HS3ST4: variants seen among roughly 807,000 people sequenced by gnomAD.
The protein encoded by HS3ST4 is heparan sulfate glucosamine 3-O-sulfotransferase 4.
HS3ST4 carries 17 observed loss-of-function variants against 29.2 expected under a neutral mutation model. The observed-to-expected ratio is 0.58, with a 90% CI of 0.40 to 0.87. The LOEUF (loss-of-function observed/expected upper bound fraction) is 0.87. Among genes scored for constraint, HS3ST4 ranks in the 40% least tolerant of loss-of-function variants. HS3ST4 has a pLI of 0.00. For synonymous variants in HS3ST4, 314 were observed against 285.7 expected, an observed-to-expected ratio of 1.10 and a Z score of -1.00; for missense variants, 627 against 634.5, an observed-to-expected ratio of 0.99 and a Z score of 0.13.
In HS3ST4 at chr16:25,692,640, C is replaced by A. The variant is rs761032247; in HGVS notation, c.223C>A (p.Pro75Thr). ...GGAGTCGCCGGGCGCCGCCGCCGAG[C>A]CCCCGCCGAGCCCGCCGCCACCCTC... is the stretch of plus-strand genomic sequence containing the variant. Reference protein sequence around the residue: ...LQESPGAAAEPPPSPPPPSLL... With the variant: ...LQESPGAAAETPPSPPPPSLL... The change falls in exon 1 of 2, where the codon CCC becomes ACC. Residue 75 changes from proline (P) to threonine (T), a missense_variant. Transcript: ENST00000331351. 3.7e-6 allele frequency: 5 copies of A among 1,363,970 alleles called. No homozygotes were observed. The South Asian group carries it at 4.7e-5, about 13-fold the overall frequency. 84.5% of individuals were successfully genotyped at this position (1,363,970 alleles called of 1,614,324 possible). A position where few individuals can be genotyped will look rare whatever the true frequency, so the allele number is the denominator to read the frequency against.
intron 1 of HS3ST4, among the ~76,000 whole-genome samples, chr16:25,894,811 T>C (rs1226031361): frequency 6.6e-6 from 1 of 152,202 alleles, no homozygotes; most frequent in East Asian, 1.9e-4. Flanking sequence ...TGGTGGCCTC[T>C]TTTTATTTGT....
At chr16:26,068,002 C>A (rs1384014211) in intron 1 of HS3ST4, among the ~76,000 whole-genome samples, 1 of 152,164 alleles carries the variant, frequency 6.6e-6, no homozygotes, top group Non-Finnish European at 1.5e-5. Context: ...TTGTGAATTA[C>A]CCAGTCTTGG....
At chr16:25,879,557 A>G (rs1967872066) in intron 1 of HS3ST4, among the ~76,000 whole-genome samples, 1 of 152,062 alleles carries the variant, frequency 6.6e-6, no homozygotes, top group South Asian at 2.1e-4. Flanking sequence ...ACAGCATGGG[A>G]AAGACCCACC....
intron 1 of HS3ST4, among the ~76,000 whole-genome samples, chr16:26,117,883 GCCATTATGGTGCTTGATT>G (rs1158824497): frequency 6.6e-6 from 1 of 152,232 alleles, no homozygotes; most frequent in East Asian, 1.9e-4. Context: ...GGCAACATCT[GCCATTATGGTGCTTGATT>G]CCAAGTGGGG....
chr16:25,947,868 T>A (rs891330490), intron 1 of HS3ST4, among the ~76,000 whole-genome samples: 1 of 152,096 alleles, frequency 6.6e-6, no homozygotes, highest in African/African-American at 2.4e-5. Flanking sequence ...GCTGTGCAAG[T>A]GTGGGCAAAT....
At chr16:25,849,197 G>A (rs1967494050) in intron 1 of HS3ST4, among the ~76,000 whole-genome samples, 1 of 151,980 alleles carries the variant, frequency 6.6e-6, no homozygotes, top group South Asian at 2.1e-4. Flanking sequence ...TTCTGTTTAT[G>A]GCCTAATAAA....
chr16:25,941,261 G>C (rs1968569155), intron 1 of HS3ST4, among the ~76,000 whole-genome samples: 1 of 152,104 alleles, frequency 6.6e-6, no homozygotes, highest in Non-Finnish European at 1.5e-5. Context: ...TGCCTCCCAG[G>C]TTCAAGCATT....
At chr16:25,992,441 GA>G (rs1969122776) in intron 1 of HS3ST4, among the ~76,000 whole-genome samples, 1 of 152,328 alleles carries the variant, frequency 6.6e-6, no homozygotes, top group African/African-American at 2.4e-5. Context: ...AGAGGTAGAG[GA>G]AAGCCACTAA....
At chr16:25,737,868 T>C (rs1343109338) in intron 1 of HS3ST4, among the ~76,000 whole-genome samples, 2 of 151,400 alleles carry the variant, frequency 1.3e-5, no homozygotes, top group Non-Finnish European at 2.9e-5. Flanking sequence ...TCCCATTTCC[T>C]GATATTGTGA....
At chr16:25,884,422 A>G (rs2141665576) in intron 1 of HS3ST4, among the ~76,000 whole-genome samples, 1 of 152,352 alleles carries the variant, frequency 6.6e-6, no homozygotes, top group African/African-American at 2.4e-5. Flanking sequence ...CCCGCAGGCA[A>G]AGTTCAACAA....
chr16:25,927,648 C>T (rs1003013752), intron 1 of HS3ST4, among the ~76,000 whole-genome samples: 12 of 150,386 alleles, frequency 8.0e-5, no homozygotes, highest in Admixed American at 6.0e-4. Flanking sequence ...GAATAGCTCC[C>T]GTCTTCAAGA....
At chr16:25,753,001 T>G (rs1042000532) in intron 1 of HS3ST4, among the ~76,000 whole-genome samples, 3 of 152,250 alleles carry the variant, frequency 2.0e-5, no homozygotes, top group South Asian at 2.1e-4. Flanking sequence ...TGGCATATGT[T>G]GGACCCACAA....
chr16:26,044,834 A>AAGGATACAACCTGATGGAAGCTGGGACCG (rs1898245885), intron 1 of HS3ST4, among the ~76,000 whole-genome samples: 3 of 152,230 alleles, frequency 2.0e-5, no homozygotes, highest in African/African-American at 7.2e-5. Context: ...TGTCCCATTG[A>AAGGATACAACCTGATGGAAGCTGGGACCG]AGGATACAAC....
chr16:25,736,870 A>G (rs1203141826), intron 1 of HS3ST4, among the ~76,000 whole-genome samples: 2 of 150,390 alleles, frequency 1.3e-5, no homozygotes, highest in Admixed American at 6.6e-5. Flanking sequence ...TTTTTTGGGG[A>G]TGGAGTCTCA....
In HS3ST4 at chr16:25,998,230, G is replaced by T. The variant is rs185132168; in HGVS notation, c.735-137382G>T. ...TGGGAAGTGAAGGATACAGTGAGCT[G>T]AGGTTGCACCACTGCACTCCAGCCT... On this transcript the variant is annotated intron_variant, in intron 1 of 1. Coordinates refer to ENST00000331351, the MANE Select transcript of HS3ST4 (RefSeq NM_006040.3). Among the ~76,000 whole-genome samples the T allele has an allele frequency of 9.2e-5, 14 of 152,224 alleles. No individual in the cohort carries two copies. The East Asian group carries it at 2.7e-3, about 29-fold the overall frequency.
chr16:26,097,611 A>G (rs1329496839), intron 1 of HS3ST4, among the ~76,000 whole-genome samples: 1 of 152,236 alleles, frequency 6.6e-6, no homozygotes, highest in Non-Finnish European at 1.5e-5. Context: ...TAAATGTTAG[A>G]CCCAAAACTG....
chr16:25,872,686 A>G (rs1325443782), intron 1 of HS3ST4, among the ~76,000 whole-genome samples: 1 of 152,222 alleles, frequency 6.6e-6, no homozygotes, highest in African/African-American at 2.4e-5. Context: ...CTGGATTCAC[A>G]TTGCTCATGC....
At chr16:26,126,738 C>T (rs1328227188) in intron 1 of HS3ST4, among the ~76,000 whole-genome samples, 3 of 152,120 alleles carry the variant, frequency 2.0e-5, no homozygotes, top group Non-Finnish European at 2.9e-5. Context: ...TGGCATCTGG[C>T]GGGTAGAGAC....
Position 26,029,228 on chromosome 16 carries a change from A to T in HS3ST4, c.735-106384A>T, listed in dbSNP as rs1449870667. ...AGAAAAAAATGAGCTAAGAGTTATGATGCTGTGGTAGCTCAGGGAAACCTG... is the reference window on the plus strand; with the variant it reads ...AGAAAAAAATGAGCTAAGAGTTATGTTGCTGTGGTAGCTCAGGGAAACCTG... On this transcript the variant is annotated intron_variant, in intron 1 of 1. Coordinates refer to ENST00000331351, the MANE Select transcript of HS3ST4 (RefSeq NM_006040.3). Among the ~76,000 whole-genome samples, 7 of 152,192 alleles carry T rather than the reference A, an allele frequency of 4.6e-5. 1 individual carries two copies. Among genetic ancestry groups the T allele is most frequent in the Non-Finnish European group, 1.0e-4 (7 of 68,034 alleles).
Sources: gnomAD v4.1 joint callset for allele counts (sites outside exome capture counted in the v4.1 genomes callset) on GRCh38, gnomAD v4.1.1 for gene constraint, MANE v1.5 for transcripts, NCBI Gene and HGNC (gene_info 2026-07-23, HGNC 2026-07-21) for gene names.